The following NTNG1 variants were observed in gnomAD, a reference collection of about 807,000 sequenced individuals.
NTNG1 encodes netrin G1.
Under a neutral mutation model 54.0 loss-of-function variants are expected in NTNG1, and 16 were observed. That is an observed-to-expected ratio of 0.30 (90% CI 0.20 to 0.45). The LOEUF (loss-of-function observed/expected upper bound fraction) is 0.45. Ranked by LOEUF, NTNG1 falls within the 20% of genes least tolerant of loss-of-function variation. The pLI, the probability that NTNG1 is intolerant of heterozygous loss-of-function variation, is 1.00. For synonymous variants in NTNG1, 255 were observed against 263.1 expected (o/e 0.97, Z 0.30); for missense variants, 530 against 678.7 (o/e 0.78, Z 2.43).
chr1:107,216,708 T>C (rs1427816862), intron 2 of NTNG1, among the ~76,000 whole-genome samples: 1 of 151,720 alleles, frequency 6.6e-6, no homozygotes, highest in Non-Finnish European at 1.5e-5. Context: ...TTTGGGAGTC[T>C]TCCTCTGTCG....
At chr1:107,300,177 G>A (rs1187764894) in intron 2 of NTNG1, among the ~76,000 whole-genome samples, 4 of 152,144 alleles carry the variant, frequency 2.6e-5, no homozygotes, top group African/African-American at 4.8e-5. Context: ...ACGTACTGAC[G>A]CTGAAAGGAA....
upstream of NTNG1, among the ~76,000 whole-genome samples, chr1:107,140,579 G>A (rs1032693205): frequency 1.3e-5 from 2 of 151,980 alleles, no homozygotes; most frequent in East Asian, 1.9e-4. Context: ...AAGGAAACCC[G>A]GGCGAAATTG....
intron 7 of NTNG1, among the ~76,000 whole-genome samples, chr1:107,471,564 G>A (rs1028297893): frequency 6.6e-6 from 1 of 152,178 alleles, no homozygotes. Context: ...TATGTGCTCT[G>A]ATTGATACAG....
chr1:107,461,209 GAAAT>G (rs1677263302), intron 7 of NTNG1, among the ~76,000 whole-genome samples: 1 of 152,172 alleles, frequency 6.6e-6, no homozygotes, highest in Non-Finnish European at 1.5e-5. Flanking sequence ...AACAGGGAAA[GAAAT>G]AAACAGTGGG....
intron 7 of NTNG1, among the ~76,000 whole-genome samples, chr1:107,457,536 T>C (rs1337959550): frequency 6.6e-6 from 1 of 152,236 alleles, no homozygotes; most frequent in Non-Finnish European, 1.5e-5. Context: ...TATATGTGTC[T>C]ATCCAATATT....
Position 107,484,425 on chromosome 1 carries a change from T to C in NTNG1, c.*3585T>C, listed in dbSNP as rs1167337062. 6.6e-6 allele frequency among the ~76,000 whole-genome samples: 1 copy of C among 152,150 alleles called. No homozygotes were observed. On this transcript the variant is annotated 3_prime_UTR_variant, in exon 8 of 8. Coordinates refer to ENST00000370068, the MANE Select transcript of NTNG1 (RefSeq NM_001113226.3). ...CAGGATGGAAGATAATTTAACAGTTTGTTAGCTTTATGTATGACTTTTAAA... is the reference window on the plus strand; with the variant it reads ...CAGGATGGAAGATAATTTAACAGTTCGTTAGCTTTATGTATGACTTTTAAA...
At chr1:107,289,038 T>C (rs1241648719) in intron 2 of NTNG1, among the ~76,000 whole-genome samples, 1 of 152,156 alleles carries the variant, frequency 6.6e-6, no homozygotes, top group Non-Finnish European at 1.5e-5. Flanking sequence ...AATCTACATA[T>C]TCCTCCTAAC....
At chr1:107,325,012 A>C in intron 3 of NTNG1, 90 bp downstream of exon 3, 1 of 1,299,366 alleles carries the variant, frequency 7.7e-7, no homozygotes, top group Non-Finnish European at 1.1e-6. Flanking sequence ...ACATTTGTCA[A>C]TTTCTACTGC....
At chr1:107,373,644 T>A (rs1234486223) in intron 3 of NTNG1, among the ~76,000 whole-genome samples, 2 of 151,938 alleles carry the variant, frequency 1.3e-5, no homozygotes, top group African/African-American at 4.8e-5. Flanking sequence ...ATGAATTCTT[T>A]CAGCTTTTGT....
intron 2 of NTNG1, among the ~76,000 whole-genome samples, chr1:107,177,349 T>C (rs78628858): frequency 4.6e-5 from 7 of 151,938 alleles, no homozygotes; most frequent in Admixed American, 1.3e-4. Context: ...TTTTTTTTTT[T>C]CCTGAGACAG....
intron 2 of NTNG1, among the ~76,000 whole-genome samples, chr1:107,247,842 C>T (rs908608501): frequency 6.6e-6 from 1 of 152,180 alleles, no homozygotes; most frequent in African/African-American, 2.4e-5. Flanking sequence ...GTTCTCTGCT[C>T]AGTTAATATG....
At position 107,178,626 on chromosome 1, in the gene NTNG1, A is replaced by T. The variant is rs866375033; in HGVS notation, c.246+29787A>T. On this transcript the variant is annotated intron_variant, in intron 2 of 7. Coordinates refer to ENST00000370068, the MANE Select transcript of NTNG1 (RefSeq NM_001113226.3). ...TGCATGGGTACTTGCTTGATGAAAA[A>T]TTTTTCTATTTTACTCTCACCTTAA... Among the ~76,000 whole-genome samples the T allele has an allele frequency of 3.9e-5, 6 of 152,082 alleles. No homozygotes were observed. In the Middle Eastern group the frequency reaches 0.014, roughly 345 times the overall value.
At chr1:107,350,139 T>C (rs1320122108) in intron 3 of NTNG1, among the ~76,000 whole-genome samples, 1 of 152,192 alleles carries the variant, frequency 6.6e-6, no homozygotes, top group Non-Finnish European at 1.5e-5. Flanking sequence ...AATAATCTCA[T>C]TACTGATGAA....
At chr1:107,343,961 T>C (rs1476308855) in intron 3 of NTNG1, among the ~76,000 whole-genome samples, 4 of 152,218 alleles carry the variant, frequency 2.6e-5, no homozygotes, top group Non-Finnish European at 5.9e-5. Context: ...GGCAGAGTTC[T>C]GCCTGTGAAT....
chr1:107,150,210 T>C (rs1654459243), intron 2 of NTNG1, among the ~76,000 whole-genome samples: 1 of 152,282 alleles, frequency 6.6e-6, no homozygotes, highest in African/African-American at 2.4e-5. Flanking sequence ...AGAGGACCCG[T>C]CTCTATGGGA....
chr1:107,227,012 AC>A (rs1473534300), intron 2 of NTNG1, among the ~76,000 whole-genome samples: 2 of 152,064 alleles, frequency 1.3e-5, no homozygotes, highest in Non-Finnish European at 1.5e-5. Context: ...ATGGGCGAAT[AC>A]CCAGCTCTCC....
At chr1:107,294,604 T>C (rs1398901107) in intron 2 of NTNG1, among the ~76,000 whole-genome samples, 1 of 152,174 alleles carries the variant, frequency 6.6e-6, no homozygotes, top group African/African-American at 2.4e-5. Context: ...GGGTATATTT[T>C]TAAAAGAAAT....
At chr1:107,271,883 A>G (rs1224868483) in intron 2 of NTNG1, among the ~76,000 whole-genome samples, 2 of 152,220 alleles carry the variant, frequency 1.3e-5, no homozygotes, top group Non-Finnish European at 2.9e-5. Flanking sequence ...TGCATTTTAA[A>G]AAATGACATT....
chr1:107,326,940 T>C (rs1667991612), intron 3 of NTNG1, among the ~76,000 whole-genome samples: 1 of 152,320 alleles, frequency 6.6e-6, no homozygotes, highest in South Asian at 2.1e-4. Flanking sequence ...AAAGGTGGTG[T>C]GTTGGAAATG....
Sources: allele counts gnomAD v4.1 joint callset (sites outside exome capture counted in the v4.1 genomes callset), GRCh38; gene constraint gnomAD v4.1.1; transcripts MANE v1.5; gene names NCBI Gene and HGNC (gene_info 2026-07-23, HGNC 2026-07-21).